The following ANKRD33B variants were observed in gnomAD, a reference collection of about 807,000 sequenced individuals.
The protein encoded by ANKRD33B is ankyrin repeat domain 33B, also known as ankyrin repeat domain-containing protein 33B.
A neutral mutation model predicts 21.5 loss-of-function variants in ANKRD33B; 6 were observed. That is an observed-to-expected ratio of 0.28 (90% confidence interval 0.15 to 0.55). ANKRD33B has a LOEUF of 0.55. Among genes scored for constraint, ANKRD33B ranks in the 20% least tolerant of loss-of-function variants. ANKRD33B has a pLI of 0.94. For synonymous variants in ANKRD33B, 347 were observed against 342.4 expected, an observed-to-expected ratio of 1.01 and a Z score of -0.15; for missense variants, 698 against 747.2, an observed-to-expected ratio of 0.93 and a Z score of 0.77.
chr5:10,574,105 TACACACAC>T (rs1212831407), intron 1 of ANKRD33B, among the ~76,000 whole-genome samples: 1 of 152,194 alleles, frequency 6.6e-6, no homozygotes, highest in Non-Finnish European at 1.5e-5. Context: ...AGCAGGCGTG[TACACACAC>T]ACATACACAC....
At chr5:10,630,480 A>G (rs1181518842) in intron 2 of ANKRD33B, among the ~76,000 whole-genome samples, 1 of 152,216 alleles carries the variant, frequency 6.6e-6, no homozygotes, top group Admixed American at 6.5e-5. Context: ...TCACTTAACA[A>G]AGGGCAGTGT....
At chr5:10,600,699 C>T (rs1027881122) in intron 1 of ANKRD33B, among the ~76,000 whole-genome samples, 2 of 152,276 alleles carry the variant, frequency 1.3e-5, no homozygotes, top group Admixed American at 6.5e-5. Context: ...GTTGCTGGCT[C>T]ATAAGGTAGA....
rs188852322 is a variant in ANKRD33B, at chr5:10,608,646, T to A, written c.367-9687T>A. ...CTTCTATAATAAAAACCATGGTGGATTCAAGACCTCACTATGAAAAAAAAA... is the reference window on the plus strand; with the variant it reads ...CTTCTATAATAAAAACCATGGTGGAATCAAGACCTCACTATGAAAAAAAAA... On this transcript the variant is annotated intron_variant, in intron 1 of 3. Transcript: ENST00000296657. 3.1e-4 allele frequency among the ~76,000 whole-genome samples: 45 copies of A among 147,080 alleles called. No individual in the cohort carries two copies. The East Asian group carries it at 7.4e-3, about 24-fold the overall frequency.
chr5:10,574,267 T>C (rs1175263600), intron 1 of ANKRD33B, among the ~76,000 whole-genome samples: 1 of 152,282 alleles, frequency 6.6e-6, no homozygotes, highest in African/African-American at 2.4e-5. Context: ...CATATGGAAT[T>C]ATCTTGACTT....
rs536979806 is a variant in ANKRD33B at position 10,599,725 on chromosome 5, C to T, written c.367-18608C>T. Among the ~76,000 whole-genome samples, 49 of 152,168 alleles carry T rather than the reference C, an allele frequency of 3.2e-4. No homozygotes were observed. In the South Asian group the frequency reaches 5.6e-3, roughly 17 times the overall value. ...ATGTATATACCACATTTTGCCTGTC[C>T]ATTTATCTGTTGATGGACATTTGGG... On this transcript the variant is annotated intron_variant, in intron 1 of 3. Transcript: ENST00000296657.
intron 1 of ANKRD33B, 149 bp downstream of exon 1, chr5:10,564,982 G>A (rs1178600332): frequency 2.8e-5 from 32 of 1,153,122 alleles, no homozygotes; most frequent in Admixed American, 1.2e-4. Flanking sequence ...CCGCTGTTTG[G>A]GAGCGCGGTG....
intron 1 of ANKRD33B, among the ~76,000 whole-genome samples, chr5:10,580,368 A>G (rs541931675): frequency 3.5e-4 from 54 of 152,290 alleles, no homozygotes; most frequent in African/African-American, 1.3e-3. Flanking sequence ...TGTGGTCCCC[A>G]CCCAGCCTCA....
At chr5:10,606,148 A>G (rs1736040897) in intron 1 of ANKRD33B, among the ~76,000 whole-genome samples, 1 of 152,342 alleles carries the variant, frequency 6.6e-6, no homozygotes. Flanking sequence ...CAGTTGAACA[A>G]AGTAGTGGTT....
intron 1 of ANKRD33B, among the ~76,000 whole-genome samples, chr5:10,606,708 T>G (rs1736051996): frequency 6.7e-6 from 1 of 148,198 alleles, no homozygotes; most frequent in African/African-American, 2.5e-5. Flanking sequence ...CACTCCAGCC[T>G]GGCGACAGAG....
Position 10,619,508 on chromosome 5 carries a change from C to A in ANKRD33B, c.496+1046C>A. On this transcript the variant is annotated intron_variant, in intron 2 of 3. Transcript: ENST00000296657. This position sits in a 1 kb window ranked among gnomAD's most constrained non-coding sequence, Gnocchi z 4.5. ...TCTGATGGGTGGGGGGCCAGGGAGG[C>A]TGGAAAACCAGTGTTTGACAGTTTC... The A allele has an allele frequency of 2.4e-6, 1 of 413,760 alleles. No individual in the cohort carries two copies. The highest frequency in any genetic ancestry group is 3.3e-6 in the Non-Finnish European group (1 of 307,642). 25.6% of individuals were successfully genotyped at this position (413,760 alleles called of 1,614,324 possible).
At chr5:10,635,929 C>T (rs976057166) in intron 2 of ANKRD33B, among the ~76,000 whole-genome samples, 6 of 152,250 alleles carry the variant, frequency 3.9e-5, no homozygotes, top group South Asian at 2.1e-4. Context: ...TCAGCCGCAG[C>T]GGGGAATCCT....
At chr5:10,615,897 G>C (rs1736272916) in intron 1 of ANKRD33B, among the ~76,000 whole-genome samples, 1 of 152,220 alleles carries the variant, frequency 6.6e-6, no homozygotes, top group African/African-American at 2.4e-5. Context: ...GAATGGAGGT[G>C]GTGGTGGCAG....
In ANKRD33B at chr5:10,574,261, T is replaced by C. The variant is rs141211034; in HGVS notation, c.366+9428T>C. On this transcript the variant is annotated intron_variant, in intron 1 of 3. Transcript: ENST00000296657. ...AAGGATTTATGTATTCTTTTACATA[T>C]GGAATTATCTTGACTTAATTTGGAG... Among the ~76,000 whole-genome samples, 526 of 152,412 alleles carry C rather than the reference T, an allele frequency of 3.5e-3. 3 individuals carry two copies. The highest frequency in any genetic ancestry group is 6.2e-3 in the Admixed American group (95 of 15,314).
intron 3 of ANKRD33B, among the ~76,000 whole-genome samples, chr5:10,639,638 G>A (rs1166266973): frequency 1.8e-5 from 1 of 56,132 alleles, no homozygotes; most frequent in Non-Finnish European, 3.3e-5. Context: ...CGGGTGACGC[G>A]GAGTTGCGCG....
rs1309287469 is a variant in ANKRD33B, at chr5:10,657,478, A to C, written c.*7365A>C. ...ATCCAGTAGGTTTCTGGATATTGTAAAGATACTGAGTACAGATATAACTGT... is the reference window on the plus strand; with the variant it reads ...ATCCAGTAGGTTTCTGGATATTGTACAGATACTGAGTACAGATATAACTGT... On this transcript the variant is annotated 3_prime_UTR_variant, in exon 4 of 4. Coordinates refer to ENST00000296657, the MANE Select transcript of ANKRD33B (RefSeq NM_001164440.2). The C allele has an allele frequency of 1.3e-5, 2 of 152,306 alleles. No individual in the cohort carries two copies. The highest frequency in any genetic ancestry group is 4.8e-5 in the African/African-American group (2 of 41,402). 9.4% of individuals were successfully genotyped at this position (152,306 alleles called of 1,614,324 possible).
chr5:10,578,753 T>C (rs1735376726), intron 1 of ANKRD33B, among the ~76,000 whole-genome samples: 1 of 152,244 alleles, frequency 6.6e-6, no homozygotes, highest in Non-Finnish European at 1.5e-5. Context: ...GTTGGGTTTG[T>C]TTATGAGGCA....
chr5:10,633,480 T>C (rs1209792905), intron 2 of ANKRD33B, among the ~76,000 whole-genome samples: 1 of 152,248 alleles, frequency 6.6e-6, no homozygotes, highest in African/African-American at 2.4e-5. Flanking sequence ...GTACAGAGAA[T>C]GCCTGTGTGC....
At chr5:10,570,295 A>G (rs376846110) in intron 1 of ANKRD33B, among the ~76,000 whole-genome samples, 57 of 152,330 alleles carry the variant, frequency 3.7e-4, no homozygotes, top group African/African-American at 1.3e-3. Flanking sequence ...GGGGTGGCCT[A>G]TCTCAGCTGA....
intron 1 of ANKRD33B, among the ~76,000 whole-genome samples, chr5:10,586,485 C>CTGTGTGTGTG (rs55940283): frequency 2.1e-5 from 3 of 140,418 alleles, no homozygotes; most frequent in African/African-American, 8.0e-5. Context: ...GTTCTTGTAA[C>CTGTGTGTGTG]TGTGTGTGTG....
Sources: gnomAD v4.1 joint callset for allele counts (sites outside exome capture counted in the v4.1 genomes callset) on GRCh38, gnomAD v4.1.1 for gene constraint, Gnocchi (gnomAD v3.1) non-coding constraint, MANE v1.5 for transcripts, NCBI Gene and HGNC (gene_info 2026-07-23, HGNC 2026-07-21) for gene names.